The following MTFMT variants were observed in gnomAD, a reference collection of about 807,000 sequenced individuals.
MTFMT encodes methionyl-tRNA formyltransferase, mitochondrial.
MTFMT carries 47 observed loss-of-function variants against 51.8 expected under a neutral mutation model. That is an observed-to-expected ratio of 0.91 (90% CI 0.72 to 1.16). The LOEUF (loss-of-function observed/expected upper bound fraction) is 1.16, where lower values mean the gene tolerates loss of function less well. MTFMT is among the 50% of genes most tolerant of loss of function. MTFMT has a pLI of 0.00. For missense variants in MTFMT, 512 were observed against 482.3 expected (o/e 1.06, Z -0.58); for synonymous variants, 196 against 176.7 (o/e 1.11, Z -0.87).
At chr15:65,006,462 C>T (rs1296013465) in intron 6 of MTFMT, among the ~76,000 whole-genome samples, 1 of 151,518 alleles carries the variant, frequency 6.6e-6, no homozygotes, top group African/African-American at 2.4e-5. Flanking sequence ...CTGCAAGCTC[C>T]GCCTCCCGGG....
At chr15:65,026,658 TG>T in intron 2 of MTFMT, 172 bp downstream of exon 2, 1 of 630,084 alleles carries the variant, frequency 1.6e-6, no homozygotes, top group Non-Finnish European at 2.7e-6. Context: ...TACCTGAACC[TG>T]GCAGAGAAAT....
intron 7 of MTFMT, among the ~76,000 whole-genome samples, chr15:65,005,256 G>A (rs2086212515): frequency 6.6e-6 from 1 of 152,194 alleles, no homozygotes; most frequent in African/African-American, 2.4e-5. Context: ...TACATAGGAT[G>A]TTTAGGATTT....
chr15:65,011,906 C>T (rs1200519572), intron 6 of MTFMT, among the ~76,000 whole-genome samples: 6 of 152,008 alleles, frequency 3.9e-5, no homozygotes, highest in African/African-American at 1.4e-4. Context: ...TTCATGGCAT[C>T]ATAGCTAAGA....
chr15:65,004,831 C>A, intron 8 of MTFMT, 23 bp downstream of exon 8: 1 of 1,503,844 alleles, frequency 6.6e-7, no homozygotes, highest in Non-Finnish European at 9.2e-7. Flanking sequence ...ACTATGATAA[C>A]TTGAAACTAA....
rs192237262 is a variant in MTFMT at position 65,009,444 on chromosome 15, G to A, written c.814-3253C>T. 2.9e-3 allele frequency among the ~76,000 whole-genome samples: 435 copies of A among 152,064 alleles called. 3 individuals are homozygous for A. The highest frequency in any genetic ancestry group is 0.01 in the African/African-American group (420 of 41,462). On this transcript the variant is annotated intron_variant, in intron 6 of 8. Coordinates refer to ENST00000220058, the MANE Select transcript of MTFMT (RefSeq NM_139242.4). ...CAGACATCCTCATCTCAATTAAATG[G>A]TTCCACTATTCACCCAGTTTCTCAA...
In MTFMT at chr15:65,023,738, A is replaced by G. The variant is rs571610853; in HGVS notation, c.476T>C (p.Val159Ala). ...GTCTCCGTGAAGCACTGTATGGATT[A>G]CAGGGGCTGGGCCACGCCATCTCGG... ...CLPRWRGPAP[V>A]IHTVLHGDTV... The change falls in exon 3 of 9, where the codon GTA becomes GCA. Residue 159 changes from valine (V) to alanine (A), a missense_variant. Coordinates refer to ENST00000220058, the MANE Select transcript of MTFMT (RefSeq NM_139242.4). 784 of 1,613,714 alleles carry G rather than the reference A, an allele frequency of 4.9e-4. 7 individuals carry two copies. In the South Asian group the frequency reaches 8.3e-3, roughly 17 times the overall value.
rs2086184398 is a variant in MTFMT, at chr15:65,002,517, T to C, written c.*545A>G. On this transcript the variant is annotated 3_prime_UTR_variant, in exon 9 of 9. Transcript: ENST00000220058. Reference sequence around the variant, plus strand: ...AAAGATAATCTCCTTGAGTTTCGTATCATAAATACAAGTTTTATTTAAACT... The same window carrying C: ...AAAGATAATCTCCTTGAGTTTCGTACCATAAATACAAGTTTTATTTAAACT... 6.6e-6 allele frequency: 1 copy of C among 152,210 alleles called. No homozygotes were observed. The highest frequency in any genetic ancestry group is 6.6e-5 in the Admixed American group (1 of 15,266). 9.4% of individuals were successfully genotyped at this position (152,210 alleles called of 1,614,324 possible).
chr15:65,020,394 T>A, intron 4 of MTFMT, 122 bp from the exon 5 acceptor site: 9 of 855,968 alleles, frequency 1.1e-5, no homozygotes, highest in Middle Eastern at 3.2e-4. Context: ...TTTTTTCAAA[T>A]TAAAAAAAAA....
Position 65,001,632 on chromosome 15 carries a change from C to G in MTFMT, c.*1430G>C, listed in dbSNP as rs1054330534. ...ATCCCAGCACTTTGAGAGGCCAAGG[C>G]AGGAGGATTGCTTGGGCCCAGGAGT... On this transcript the variant is annotated 3_prime_UTR_variant, in exon 9 of 9. Transcript: ENST00000220058. 6.6e-6 allele frequency: 1 copy of G among 152,202 alleles called. No homozygotes were observed. Among genetic ancestry groups the G allele is most frequent in the African/African-American group, 2.4e-5 (1 of 41,430 alleles). The allele number at this position is 152,202 out of a possible 1,614,324, so 9.4% of individuals were successfully genotyped here. A position where few individuals can be genotyped will look rare whatever the true frequency, so the allele number is the denominator to read the frequency against.
intron 2 of MTFMT, 42 bp from the exon 3 acceptor site, chr15:65,023,836 A>G (rs764201320): frequency 1.4e-5 from 21 of 1,554,012 alleles, no homozygotes; most frequent in Non-Finnish European, 1.7e-5. Flanking sequence ...AGTGGGCTTT[A>G]CCACTTCGTT....
chr15:65,013,859 C>T (rs72746351), intron 6 of MTFMT, among the ~76,000 whole-genome samples: 2,531 of 151,858 alleles, frequency 0.017, 29 homozygotes, highest in Admixed American at 0.024. Context: ...GGTAGAATTG[C>T]TAGAGCCCAG....
intron 5 of MTFMT, among the ~76,000 whole-genome samples, chr15:65,018,220 C>T (rs1294726214): frequency 6.6e-6 from 1 of 150,494 alleles, no homozygotes; most frequent in African/African-American, 2.4e-5. Flanking sequence ...AACAAAACCA[C>T]ATGGAAAAAA....
chr15:65,029,083 G>A (rs549471719), intron 1 of MTFMT, among the ~76,000 whole-genome samples: 18 of 152,280 alleles, frequency 1.2e-4, no homozygotes, highest in Admixed American at 4.6e-4. Context: ...ACTCAAAACG[G>A]GCAGGGAGGC....
chr15:65,020,074 AC>A, intron 5 of MTFMT, 122 bp downstream of exon 5: 1 of 820,324 alleles, frequency 1.2e-6, no homozygotes, highest in South Asian at 2.0e-5. Context: ...TTGGAAAAGC[AC>A]ACAAAAGTGG....
At chr15:65,016,911 G>C (rs2086328443) in intron 5 of MTFMT, among the ~76,000 whole-genome samples, 1 of 151,354 alleles carries the variant, frequency 6.6e-6, no homozygotes, top group Admixed American at 6.6e-5. Context: ...CTCCCGAGTA[G>C]CTGGGACTAC....
intron 4 of MTFMT, among the ~76,000 whole-genome samples, chr15:65,021,233 G>A (rs926880536): frequency 6.6e-6 from 1 of 152,174 alleles, no homozygotes; most frequent in Non-Finnish European, 1.5e-5. Flanking sequence ...TGCGGAGAGT[G>A]AAATTGAGAA....
At chr15:65,028,118 T>C (rs1457704589) in intron 1 of MTFMT, among the ~76,000 whole-genome samples, 1 of 152,154 alleles carries the variant, frequency 6.6e-6, no homozygotes, top group Admixed American at 6.5e-5. Flanking sequence ...AAGTGAAGCA[T>C]CATCAGAAGT....
chr15:65,003,115 G>A lies in MTFMT; in HGVS notation c.1117C>T (p.Pro373Ser), dbSNP rs921380809. The A allele has an allele frequency of 1.2e-6, 2 of 1,610,750 alleles. No homozygotes were observed. The change falls in exon 9 of 9, where the codon CCA becomes TCA. Residue 373 changes from proline to serine, a missense_variant. Coordinates refer to ENST00000220058, the MANE Select transcript of MTFMT (RefSeq NM_139242.4). Reference protein sequence around the residue: ...SQCRFQTLRLPTKKKQKKTVA... With the variant: ...SQCRFQTLRLSTKKKQKKTVA... Reference sequence around the variant, plus strand: ...GTTTTTTTCTGCTTCTTCTTTGTTGGAAGTCTGAGAGTCTGAAATCTGCAT... The same window carrying A: ...GTTTTTTTCTGCTTCTTCTTTGTTGAAAGTCTGAGAGTCTGAAATCTGCAT...
chr15:65,021,659 T>G, intron 3 of MTFMT, 43 bp from the exon 4 acceptor site: 1 of 1,426,114 alleles, frequency 7.0e-7, no homozygotes. Context: ...GATTACCATT[T>G]CCTGAATCAA....
Sources: gnomAD v4.1 joint callset for allele counts (sites outside exome capture counted in the v4.1 genomes callset) on GRCh38, gnomAD v4.1.1 for gene constraint, MANE v1.5 for transcripts, NCBI Gene and HGNC (gene_info 2026-07-23, HGNC 2026-07-21) for gene names.